The following STOX2 variants were observed in gnomAD, a reference collection of about 807,000 sequenced individuals.
The protein encoded by STOX2 is storkhead box 2, also known as storkhead-box protein 2.
Under a neutral mutation model 60.9 loss-of-function variants are expected in STOX2, and 28 were observed. The observed-to-expected ratio is 0.46, with a 90% CI of 0.34 to 0.63. The LOEUF is 0.63. STOX2 is among the 30% of genes least tolerant of loss of function. STOX2 has a pLI of 0.01. For synonymous variants in STOX2, 472 were observed against 463.9 expected, an observed-to-expected ratio of 1.02 and a Z score of -0.22; for missense variants, 1,024 against 1,187.7, an observed-to-expected ratio of 0.86 and a Z score of 2.03.
chr4:183,971,932 A>G (rs1054935395), intron 1 of STOX2, among the ~76,000 whole-genome samples: 8 of 152,180 alleles, frequency 5.3e-5, no homozygotes, highest in African/African-American at 1.4e-4. Context: ...GTTCCACTAA[A>G]CTGTATCACC....
intron 1 of STOX2, among the ~76,000 whole-genome samples, chr4:183,960,812 C>T (rs563616091): frequency 6.6e-6 from 1 of 152,122 alleles, no homozygotes; most frequent in African/African-American, 2.4e-5. Context: ...ATATTATAGT[C>T]TTTCATTAAT....
At chr4:183,887,464 G>A (rs976768883) in intron 1 of STOX2, among the ~76,000 whole-genome samples, 5 of 152,160 alleles carry the variant, frequency 3.3e-5, no homozygotes, top group African/African-American at 1.2e-4. Flanking sequence ...TGTCCAAAAG[G>A]TACTGTGTGA....
At chr4:183,892,378 A>C (rs372544191) in intron 1 of STOX2, among the ~76,000 whole-genome samples, 8 of 152,266 alleles carry the variant, frequency 5.3e-5, no homozygotes, top group East Asian at 1.9e-4. Context: ...TCCCGGGTTC[A>C]CGCCATTCTC....
At chr4:183,967,139 G>A (rs1320346722) in intron 1 of STOX2, among the ~76,000 whole-genome samples, 2 of 152,160 alleles carry the variant, frequency 1.3e-5, no homozygotes, top group African/African-American at 4.8e-5. Flanking sequence ...GAGGTGGGCG[G>A]ATCACCTGAG....
intron 1 of STOX2, among the ~76,000 whole-genome samples, chr4:183,896,128 G>C (rs1741334700): frequency 6.6e-6 from 1 of 152,186 alleles, no homozygotes; most frequent in South Asian, 2.1e-4. Flanking sequence ...TGTGACAAGG[G>C]CCCTTGATGA....
chr4:183,933,762 A>G (rs559182857), intron 1 of STOX2, among the ~76,000 whole-genome samples: 46 of 152,320 alleles, frequency 3.0e-4, no homozygotes, highest in Non-Finnish European at 5.0e-4. Context: ...TTATGAGGTA[A>G]TTAGAATTGT....
chr4:183,920,882 A>G (rs1369688435), intron 1 of STOX2, among the ~76,000 whole-genome samples: 1 of 152,238 alleles, frequency 6.6e-6, no homozygotes, highest in Non-Finnish European at 1.5e-5. Flanking sequence ...AACAACTCCT[A>G]GGTCTTAACG....
At chr4:183,869,228 G>C (rs1349451545) in intron 1 of STOX2, among the ~76,000 whole-genome samples, 1 of 152,186 alleles carries the variant, frequency 6.6e-6, no homozygotes, top group African/African-American at 2.4e-5. Flanking sequence ...GACGAGGAAA[G>C]AAAATGGACA....
chr4:183,924,034 G>A (rs112839221), intron 1 of STOX2, among the ~76,000 whole-genome samples: 3,221 of 152,226 alleles, frequency 0.021, 135 homozygotes, highest in African/African-American at 0.073. Flanking sequence ...GCTTGGGATG[G>A]GGTCCAGAAC....
chr4:183,852,669 G>T (rs866805282), intron 1 of STOX2, among the ~76,000 whole-genome samples: 1 of 152,208 alleles, frequency 6.6e-6, no homozygotes, highest in Non-Finnish European at 1.5e-5. Flanking sequence ...ATTCCCTTCA[G>T]CCATGGGAGG....
chr4:183,875,874 C>G (rs375775649), intron 1 of STOX2, among the ~76,000 whole-genome samples: 1 of 152,318 alleles, frequency 6.6e-6, no homozygotes, highest in East Asian at 1.9e-4. Context: ...CATGCCACCA[C>G]GCTGGGCTAA....
chr4:183,928,631 G>A (rs750965383), intron 1 of STOX2, among the ~76,000 whole-genome samples: 25 of 152,116 alleles, frequency 1.6e-4, no homozygotes, highest in Admixed American at 1.4e-3. Context: ...CAGTAACCCA[G>A]TGAGCCGGCC....
At chr4:183,872,812 C>T (rs966683268) in intron 1 of STOX2, among the ~76,000 whole-genome samples, 2 of 152,064 alleles carry the variant, frequency 1.3e-5, no homozygotes, top group African/African-American at 2.4e-5. Context: ...TGGGTTTTCT[C>T]ACCCTGCAAT....
chr4:183,799,814 T>A (rs902838681), intron 1 of STOX2, among the ~76,000 whole-genome samples: 14 of 152,222 alleles, frequency 9.2e-5, no homozygotes, highest in African/African-American at 3.4e-4. Flanking sequence ...ATTTTGGCAA[T>A]TTTTAAAGGT....
chr4:183,798,986 C>T (rs9990869), intron 1 of STOX2, among the ~76,000 whole-genome samples: 67,228 of 146,854 alleles, frequency 0.46, 15,054 homozygotes, highest in Non-Finnish European at 0.47. Context: ...TCCCGCGGTT[C>T]AGAAATTCTT....
At chr4:183,845,014 CT>C (rs1296453689) in intron 1 of STOX2, among the ~76,000 whole-genome samples, 1 of 152,200 alleles carries the variant, frequency 6.6e-6, no homozygotes, top group Non-Finnish European at 1.5e-5. Context: ...ACATAATAGT[CT>C]CCCCAAGGCT....
rs1188709443 is a variant in STOX2, at chr4:184,009,035, A to C, written c.320-123A>C. ...TGAACTTAATGAACACCTTTGTCTGAATTGTGCATCCTAGCTCTGTGATGG... is the reference window on the plus strand; with the variant it reads ...TGAACTTAATGAACACCTTTGTCTGCATTGTGCATCCTAGCTCTGTGATGG... On this transcript the variant is annotated intron_variant, in intron 2 of 3. Transcript: ENST00000308497. This position sits in a 1 kb window ranked among gnomAD's most constrained non-coding sequence, Gnocchi z 4.0. The C allele has an allele frequency of 1.3e-6, 1 of 752,182 alleles. No individual in the cohort carries two copies. Among genetic ancestry groups the C allele is most frequent in the African/African-American group, 1.8e-5 (1 of 56,680 alleles). 46.6% of individuals were successfully genotyped at this position (752,182 alleles called of 1,614,324 possible). A position where few individuals can be genotyped will look rare whatever the true frequency, so the allele number is the denominator to read the frequency against.
intron 1 of STOX2, among the ~76,000 whole-genome samples, chr4:183,843,131 G>C (rs558152512): frequency 1.7e-4 from 23 of 133,080 alleles, no homozygotes; most frequent in African/African-American, 6.4e-4. Flanking sequence ...CTGAGAGACA[G>C]AGCGAGACTC....
chr4:183,983,857 T>C (rs1166925646), intron 1 of STOX2, among the ~76,000 whole-genome samples: 1 of 152,212 alleles, frequency 6.6e-6, no homozygotes, highest in Non-Finnish European at 1.5e-5. Context: ...CAATCATAGC[T>C]CACTGCAGCC....
Sources: allele counts gnomAD v4.1 joint callset (sites outside exome capture counted in the v4.1 genomes callset), GRCh38; gene constraint gnomAD v4.1.1; non-coding constraint Gnocchi (gnomAD v3.1); transcripts MANE v1.5; gene names NCBI Gene and HGNC (gene_info 2026-07-23, HGNC 2026-07-21).